The following SEL1L3 variants were observed in gnomAD, a reference collection of about 807,000 sequenced individuals.
The protein encoded by SEL1L3 is SEL1L family member 3.
In SEL1L3, 76 loss-of-function variants were observed where a neutral mutation model predicts 142.8. The ratio of observed to expected loss-of-function variants is 0.53; its 90% confidence interval spans 0.44 to 0.64. The LOEUF (loss-of-function observed/expected upper bound fraction) is 0.64. SEL1L3 is among the 30% of genes least tolerant of loss of function. The pLI is 0.00. For synonymous variants in SEL1L3, 504 were observed against 519.6 expected, an observed-to-expected ratio of 0.97 and a Z score of 0.41; for missense variants, 1,262 against 1,381.7, an observed-to-expected ratio of 0.91 and a Z score of 1.37.
At position 25,747,604 on chromosome 4, in the gene SEL1L3, A is replaced by C. The variant is rs2109103863; in HGVS notation, c.*821T>G. ...CACACACACACACACACACACACACATATCCCTGTACAGACTCACGCAGGC... is the reference window on the plus strand; with the variant it reads ...CACACACACACACACACACACACACCTATCCCTGTACAGACTCACGCAGGC... On this transcript the variant is annotated 3_prime_UTR_variant, in exon 24 of 24. Transcript: ENST00000399878. 6.6e-6 allele frequency: 1 copy of C among 152,112 alleles called. No homozygotes were observed. Among genetic ancestry groups the C allele is most frequent in the Non-Finnish European group, 1.5e-5 (1 of 68,046 alleles). 9.4% of individuals were successfully genotyped at this position (152,112 alleles called of 1,614,324 possible).
At chr4:25,777,626 A>G (rs373793303) in intron 16 of SEL1L3, 2 of 339,146 alleles carry the variant, frequency 5.9e-6, no homozygotes, top group Admixed American at 8.1e-5. Context: ...AAAGGATTGG[A>G]ATCATTCAGA....
chr4:25,803,487 A>G (rs1307130194), intron 10 of SEL1L3, among the ~76,000 whole-genome samples: 1 of 152,236 alleles, frequency 6.6e-6, no homozygotes, highest in Non-Finnish European at 1.5e-5. Context: ...CAATCAGGGA[A>G]CATTTAGCAG....
intron 20 of SEL1L3, 115 bp from the exon 21 acceptor site, chr4:25,759,183 G>T: frequency 1.8e-6 from 2 of 1,090,014 alleles, no homozygotes; most frequent in Non-Finnish European, 2.6e-6. Context: ...AGTCTCTAGA[G>T]CCAGATGGTT....
intron 1 of SEL1L3, among the ~76,000 whole-genome samples, chr4:25,853,093 A>G (rs1717012150): frequency 6.6e-6 from 1 of 152,194 alleles, no homozygotes; most frequent in Non-Finnish European, 1.5e-5. Context: ...ACATACATAC[A>G]CGCCAGGTGT....
At chr4:25,803,414 A>G (rs1713326590) in intron 10 of SEL1L3, among the ~76,000 whole-genome samples, 1 of 152,248 alleles carries the variant, frequency 6.6e-6, no homozygotes, top group South Asian at 2.1e-4. Context: ...GGCACATCTC[A>G]ACAGTCTGAG....
chr4:25,729,442 G>A, the SEL1L3 span, among the ~76,000 whole-genome samples: 5 of 152,274 alleles, frequency 3.3e-5, no homozygotes, highest in East Asian at 7.7e-4. Context: ...GGCTGGGCAC[G>A]GTGGCTTGCA....
At chr4:25,737,381 C>A in the SEL1L3 span, among the ~76,000 whole-genome samples, 1 of 152,048 alleles carries the variant, frequency 6.6e-6, no homozygotes. Context: ...ATCCTGAAGC[C>A]TTTTTTCTTT....
At chr4:25,829,473 T>TGG (rs1715305982) in intron 6 of SEL1L3, among the ~76,000 whole-genome samples, 1 of 152,178 alleles carries the variant, frequency 6.6e-6, no homozygotes, top group Non-Finnish European at 1.5e-5. Context: ...TATCTAGCTA[T>TGG]GGCAAGGTAT....
At chr4:25,850,712 T>C (rs1005564111) in intron 1 of SEL1L3, among the ~76,000 whole-genome samples, 6 of 152,202 alleles carry the variant, frequency 3.9e-5, no homozygotes, top group Non-Finnish European at 7.3e-5. Context: ...TAAATAAAAA[T>C]AGTACATCCA....
intron 17 of SEL1L3, among the ~76,000 whole-genome samples, chr4:25,774,690 T>C (rs1358751127): frequency 6.6e-6 from 1 of 152,120 alleles, no homozygotes; most frequent in Non-Finnish European, 1.5e-5. Flanking sequence ...AGAAACCCTC[T>C]CTACTAAAAA....
intron 9 of SEL1L3, among the ~76,000 whole-genome samples, chr4:25,806,428 G>A (rs1477985903): frequency 6.6e-6 from 1 of 152,122 alleles, no homozygotes; most frequent in African/African-American, 2.4e-5. Flanking sequence ...AGTATCCAAT[G>A]TGGGAAGGCT....
At position 25,752,896 on chromosome 4, in the gene SEL1L3, A is replaced by G. The variant is rs1373311473; in HGVS notation, c.3260-4332T>C. 3.9e-5 allele frequency among the ~76,000 whole-genome samples: 6 copies of G among 152,248 alleles called. No individual in the cohort carries two copies. In the South Asian group the frequency reaches 8.3e-4, roughly 21 times the overall value. ...TTGGCCTCCCAAAGTGCTAGGCGTG[A>G]GCCACTGCGCCCAGCCCATTTGTGG... On this transcript the variant is annotated intron_variant, in intron 23 of 23. Transcript: ENST00000399878.
Position 25,780,810 on chromosome 4 carries a change from A to AAT in SEL1L3, c.2457+1430_2457+1431dup, listed in dbSNP as rs540811869. On this transcript the variant is annotated intron_variant, in intron 15 of 23. Transcript: ENST00000399878. ...ACACATAAATAAAATATATATAAATAATATATATATATTTTATATATATAT... is the reference window on the plus strand; with the variant it reads ...ACACATAAATAAAATATATATAAATAATATATATATATATTTTATATATATAT... 5.1e-3 allele frequency among the ~76,000 whole-genome samples: 667 copies of AAT among 131,270 alleles called. 6 individuals carry two copies. Among genetic ancestry groups the AAT allele is most frequent in the African/African-American group, 0.019 (626 of 33,174 alleles). 86.1% of individuals were successfully genotyped at this position (131,270 alleles called of 152,430 possible). A position where few individuals can be genotyped will look rare whatever the true frequency, so the allele number is the denominator to read the frequency against.
chr4:25,757,855 C>A, intron 21 of SEL1L3, 65 bp from the exon 22 acceptor site: 1 of 1,107,944 alleles, frequency 9.0e-7, no homozygotes, highest in Non-Finnish European at 1.3e-6. Flanking sequence ...TCAGGACTGG[C>A]ATTTTCAGAT....
At chr4:25,847,176 C>T (rs1206974808) in intron 2 of SEL1L3, 118 bp downstream of exon 2, 5 of 770,244 alleles carry the variant, frequency 6.5e-6, no homozygotes, top group Admixed American at 2.9e-5. Flanking sequence ...CTCATTGTGT[C>T]CCTCCATCTT....
Position 25,791,861 on chromosome 4 carries a change from C to G in SEL1L3, c.1957-1287G>C, listed in dbSNP as rs28450251. 5.7e-3 allele frequency among the ~76,000 whole-genome samples: 871 copies of G among 151,534 alleles called. 8 individuals carry two copies. Among genetic ancestry groups the G allele is most frequent in the African/African-American group, 0.02 (824 of 41,232 alleles). On this transcript the variant is annotated intron_variant, in intron 11 of 23. Coordinates refer to ENST00000399878, the MANE Select transcript of SEL1L3 (RefSeq NM_015187.5). ...CTGGGAGGCAGAGTTTGCAGTGAGC[C>G]AAGATCACACCACTGCACTCCAGCC...
intron 16 of SEL1L3, chr4:25,777,507 T>C (rs951170493): frequency 8.6e-6 from 2 of 231,256 alleles, no homozygotes; most frequent in South Asian, 5.5e-5. Context: ...CTGATATATA[T>C]GTAGATGTTG....
At chr4:25,778,977 C>A in intron 16 of SEL1L3, 99 bp downstream of exon 16, 1 of 1,086,054 alleles carries the variant, frequency 9.2e-7, no homozygotes, top group Non-Finnish European at 1.3e-6. Flanking sequence ...CATGCATGTA[C>A]AACTGGTAAA....
chr4:25,808,911 ATAC>A (rs1184782484), intron 9 of SEL1L3, among the ~76,000 whole-genome samples: 20 of 152,044 alleles, frequency 1.3e-4, no homozygotes, highest in African/African-American at 1.9e-4. Flanking sequence ...TCTACTAAAA[ATAC>A]AAAAAAAAAT....
Sources: gnomAD v4.1 joint callset for allele counts (sites outside exome capture counted in the v4.1 genomes callset) on GRCh38, gnomAD v4.1.1 for gene constraint, MANE v1.5 for transcripts, NCBI Gene and HGNC (gene_info 2026-07-23, HGNC 2026-07-21) for gene names.